TNKS1BP1: variants seen among roughly 807,000 people sequenced by gnomAD.
TNKS1BP1 encodes CCR4-NOT transcription complex subunit 12, also known as 182 kDa tankyrase-1-binding protein.
In TNKS1BP1, 48 loss-of-function variants were observed where a neutral mutation model predicts 141.1. The ratio of observed to expected loss-of-function variants is 0.34; its 90% CI spans 0.27 to 0.43. The LOEUF is 0.43. TNKS1BP1 is among the 20% of genes least tolerant of loss of function. The probability of loss-of-function intolerance (pLI) is 1.00; values close to 1 mark genes in which losing one functional copy is unlikely to be tolerated. For missense variants in TNKS1BP1, 2,149 were observed against 2,226.0 expected (o/e 0.97, Z 0.70); for synonymous variants, 875 against 898.2 (o/e 0.97, Z 0.46).
rs371705099 is a variant in TNKS1BP1 at position 57,303,259 on chromosome 11, G to A, written c.4317-434C>T. On this transcript the variant is annotated intron_variant, in intron 6 of 11. Transcript: ENST00000358252. Reference sequence around the variant, plus strand: ...CACTCCTTGGGGTGAGCCAGGTACTGGCCCACCTGCCTCTCCGGACTCATG... The same window carrying A: ...CACTCCTTGGGGTGAGCCAGGTACTAGCCCACCTGCCTCTCCGGACTCATG... 1.9e-4 allele frequency: 30 copies of A among 160,134 alleles called. No homozygotes were observed. In the East Asian group the frequency reaches 2.0e-3, roughly 11 times the overall value. 9.9% of individuals were successfully genotyped at this position (160,134 alleles called of 1,614,324 possible).
chr11:57,302,858 C>G lies in TNKS1BP1; in HGVS notation c.4317-33G>C. ...GGGGACAGAGAGAGAACGAGATCAT[C>G]GTAAGGCCCCATCTCCCTGCCCTGA... is the stretch of plus-strand genomic sequence containing the variant. On this transcript the variant is annotated intron_variant, in intron 6 of 11. Coordinates refer to ENST00000358252, the MANE Select transcript of TNKS1BP1 (RefSeq NM_033396.3). The surrounding 1 kb of genome is among the most constrained non-coding windows in gnomAD (Gnocchi z 5.5). 6.7e-7 allele frequency: 1 copy of G among 1,485,024 alleles called. No individual in the cohort carries two copies. Among genetic ancestry groups the G allele is most frequent in the Non-Finnish European group, 8.9e-7 (1 of 1,120,896 alleles). 92.0% of individuals were successfully genotyped at this position (1,485,024 alleles called of 1,614,324 possible). A position where few individuals can be genotyped will look rare whatever the true frequency, so the allele number is the denominator to read the frequency against.
In TNKS1BP1 at chr11:57,309,021, A is replaced by T; in HGVS notation, c.3690T>A (p.Asp1230Glu). ...CCAAATCTTTGCTCTTCACATTAACATCAGAAGTCCAGTCCTTCTCCCCAA... is the reference window on the plus strand; with the variant it reads ...CCAAATCTTTGCTCTTCACATTAACTTCAGAAGTCCAGTCCTTCTCCCCAA... ...IGVGEKDWTSDVNVKSKDLAE... is the reference protein window; with the variant it reads ...IGVGEKDWTSEVNVKSKDLAE... Residue 1230 changes from aspartate (D) to glutamate (E), a missense_variant, in exon 6 of 12, where the codon GAT becomes GAA. Asp to Glu is a conservative substitution (Grantham distance 45, BLOSUM62 2). Coordinates refer to ENST00000358252, the MANE Select transcript of TNKS1BP1 (RefSeq NM_033396.3). The surrounding 1 kb of genome is among the most constrained non-coding windows in gnomAD (Gnocchi z 4.3). 8.1e-6 allele frequency: 13 copies of T among 1,613,960 alleles called. No homozygotes were observed. Among genetic ancestry groups the T allele is most frequent in the Non-Finnish European group, 1.1e-5 (13 of 1,179,984 alleles).
chr11:57,315,830 C>T (rs960478587), intron 4 of TNKS1BP1, among the ~76,000 whole-genome samples: 1 of 151,990 alleles, frequency 6.6e-6, no homozygotes, highest in African/African-American at 2.4e-5. Flanking sequence ...CTATCAGGCA[C>T]TGTCCTCGCT....
At chr11:57,318,208 A>T (rs1231194246) in intron 3 of TNKS1BP1, among the ~76,000 whole-genome samples, 2 of 152,246 alleles carry the variant, frequency 1.3e-5, no homozygotes, top group Admixed American at 1.3e-4. Flanking sequence ...CCTTTAACCC[A>T]TAAGGAGTTA....
intron 5 of TNKS1BP1, among the ~76,000 whole-genome samples, chr11:57,311,884 A>G (rs574046253): frequency 6.6e-6 from 1 of 152,358 alleles, no homozygotes; most frequent in East Asian, 1.9e-4. Flanking sequence ...CTCAATGTTA[A>G]TAACGTTTGT....
At chr11:57,322,451 G>T in intron 1 of TNKS1BP1, 1 of 322,448 alleles carries the variant, frequency 3.1e-6, no homozygotes, top group Non-Finnish European at 4.5e-6. Flanking sequence ...AGCTGGGAGT[G>T]GTTCCTTCTC....
In TNKS1BP1 at chr11:57,302,728, C is replaced by G. The variant is rs1450126660; in HGVS notation, c.4414G>C (p.Glu1472Gln). The G allele has an allele frequency of 6.3e-7, 1 of 1,593,756 alleles. No homozygotes were observed. Among genetic ancestry groups the G allele is most frequent in the East Asian group, 2.3e-5 (1 of 44,306 alleles). Residue 1472 changes from glutamate (E) to glutamine (Q), a missense_variant, in exon 7 of 12, where the codon GAG (glutamate) becomes CAG (glutamine). By Grantham distance (29) the Glu-to-Gln change is conservative. Coordinates refer to ENST00000358252, the MANE Select transcript of TNKS1BP1 (RefSeq NM_033396.3). The surrounding 1 kb of genome is among the most constrained non-coding windows in gnomAD (Gnocchi z 5.5). ...ASSSKAVARR[E>Q]SAASGLGGLL... is the part of the protein sequence containing the mutation. ...CCCCCAAGGCCCGAGGCCGCTGACT[C>G]CCTCCGAGCCACCGCCTTGGAGCTG... is the stretch of plus-strand genomic sequence containing the variant.
In TNKS1BP1 at chr11:57,302,683, C is replaced by T; in HGVS notation, c.4459G>A (p.Ala1487Thr). The change falls in exon 7 of 12, where the codon GCC (alanine) becomes ACC (threonine). Residue 1487 changes from alanine (A) to threonine (T), a missense_variant. Physicochemically the swap from Ala to Thr is moderately conservative, Grantham distance 58 (BLOSUM62 0). Coordinates refer to ENST00000358252, the MANE Select transcript of TNKS1BP1 (RefSeq NM_033396.3). This position sits in a 1 kb window ranked among gnomAD's most constrained non-coding sequence, Gnocchi z 5.5. ...GLGGLLEEEG[A>T]GAGAAQEEVL... ...TCCTCTTGGGCAGCACCTGCCCCGG[C>T]TCCTTCCTCCTCCAACAGGCCCCCA... 6.2e-7 allele frequency: 1 copy of T among 1,606,630 alleles called. No homozygotes were observed. Among genetic ancestry groups the T allele is most frequent in the South Asian group, 1.1e-5 (1 of 90,428 alleles).
chr11:57,321,986 T>G, intron 1 of TNKS1BP1, 36 bp from the exon 2 acceptor site: 1 of 1,481,478 alleles, frequency 6.8e-7, no homozygotes. Flanking sequence ...AAAAAAAGAG[T>G]TGGGCGTTGC....
In TNKS1BP1 at chr11:57,324,839, C is replaced by T; in HGVS notation, c.-66+1G>A. ...TCGCCCGACCGCCCCCGCGCACTCA[C>T]GCGCTCGCCCGGGGTCCGGCTCCGC... is the stretch of plus-strand genomic sequence containing the variant. On this transcript the variant is annotated splice_donor_variant, in intron 1 of 11. Transcript: ENST00000358252. LOFTEE classifies it low-confidence loss of function (5UTR_SPLICE). 1.0e-6 allele frequency: 1 copy of T among 985,440 alleles called. No individual in the cohort carries two copies. Among genetic ancestry groups the T allele is most frequent in the Non-Finnish European group, 1.2e-6 (1 of 829,726 alleles). The allele number at this position is 985,440 out of a possible 1,614,324, so 61.0% of individuals were successfully genotyped here.
intron 5 of TNKS1BP1, 107 bp downstream of exon 5, chr11:57,312,427 C>A (rs1203745768): frequency 7.7e-7 from 1 of 1,300,388 alleles, no homozygotes; most frequent in Non-Finnish European, 1.0e-6. Flanking sequence ...TTGCTCACTA[C>A]CACAGCCCAA....
At chr11:57,304,149 A>T (rs955169460) in intron 6 of TNKS1BP1, among the ~76,000 whole-genome samples, 46 of 151,952 alleles carry the variant, frequency 3.0e-4, no homozygotes, top group Admixed American at 3.9e-4. Context: ...ACACACACTC[A>T]TACTACGCAC....
At chr11:57,311,034 C>A (rs59868342) in intron 5 of TNKS1BP1, among the ~76,000 whole-genome samples, 3,938 of 152,260 alleles carry the variant, frequency 0.026, 180 homozygotes, top group African/African-American at 0.091. Context: ...CGTCCTCCCC[C>A]ATGCCCCATC....
chr11:57,319,438 C>T (rs1225664948), intron 3 of TNKS1BP1, among the ~76,000 whole-genome samples: 1 of 152,106 alleles, frequency 6.6e-6, no homozygotes, highest in East Asian at 1.9e-4. Context: ...GCCAACGAGG[C>T]AAAGTTTGGT....
rs1565043412 is a variant in TNKS1BP1 at position 57,313,120 on chromosome 11, C to G, written c.1568G>C (p.Gly523Ala). 3 of 1,613,288 alleles carry G rather than the reference C, an allele frequency of 1.9e-6. No individual in the cohort carries two copies. The highest frequency in any genetic ancestry group is 2.5e-6 in the Non-Finnish European group (3 of 1,180,024). Reference sequence around the variant, plus strand: ...AGCCCCTTGCCCCTGCTGAGACACTCCTTCTTCCCTGCTGGAAACGGCCAA... The same window carrying G: ...AGCCCCTTGCCCCTGCTGAGACACTGCTTCTTCCCTGCTGGAAACGGCCAA... ...GNLAVSSREEGVSQQGQGAGS... is the reference protein window; with the variant it reads ...GNLAVSSREEAVSQQGQGAGS... Residue 523 changes from glycine (G) to alanine (A), a missense_variant, in exon 5 of 12, where the codon GGA becomes GCA. Gly to Ala is a moderately conservative substitution (Grantham distance 60). Coordinates refer to ENST00000358252, the MANE Select transcript of TNKS1BP1 (RefSeq NM_033396.3).
In TNKS1BP1 at chr11:57,321,833, C is replaced by T. The variant is rs752369769; in HGVS notation, c.53G>A (p.Arg18Gln). Residue 18 changes from arginine (R) to glutamine (Q), a missense_variant, in exon 2 of 12, where the codon CGG becomes CAG. Transcript: ENST00000358252. The part of the protein sequence containing the change: ...ESSAMASPLP[R>Q]EMEEELVPTG... ...AGGCACCAGCTCCTCCTCCATCTCC[C>T]GGGGCAGTGGGGAAGCCATGGCTGA... 27 of 1,614,074 alleles carry T rather than the reference C, an allele frequency of 1.7e-5. No homozygotes were observed. The highest frequency in any genetic ancestry group is 1.6e-4 in the Middle Eastern group (1 of 6,062).
chr11:57,315,276 C>T (rs1008923641), intron 4 of TNKS1BP1, among the ~76,000 whole-genome samples: 6 of 151,908 alleles, frequency 3.9e-5, no homozygotes, highest in African/African-American at 1.2e-4. Context: ...TCCCCAACGC[C>T]CTTATTTTCA....
Position 57,320,447 on chromosome 11 carries a change from C to T in TNKS1BP1, c.360G>A (p.Glu120=). The change falls in exon 3 of 12, where the codon GAG becomes GAA. Residue 120 remains glutamate (E), a synonymous_variant. Coordinates refer to ENST00000358252, the MANE Select transcript of TNKS1BP1 (RefSeq NM_033396.3). ...GGGGTGGCTCCTCTTTCCCAGCCTC[C>T]TCTTTCCCAGTCTCTTGGGTGGCTT... The part of the protein sequence containing the change: ...GGEATQETGK[E]EAGKEEPPPL... 6.2e-7 allele frequency: 1 copy of T among 1,607,964 alleles called. No individual in the cohort carries two copies.
chr11:57,317,056 C>G (rs1855810136), intron 4 of TNKS1BP1, among the ~76,000 whole-genome samples: 1 of 152,218 alleles, frequency 6.6e-6, no homozygotes, highest in Non-Finnish European at 1.5e-5. Flanking sequence ...ACCAAGAATG[C>G]TGCTCTCCAG....
Sources: allele counts gnomAD v4.1 joint callset (sites outside exome capture counted in the v4.1 genomes callset), GRCh38; gene constraint gnomAD v4.1.1; non-coding constraint Gnocchi (gnomAD v3.1); transcripts MANE v1.5; gene names NCBI Gene and HGNC (gene_info 2026-07-23, HGNC 2026-07-21).